SNTG2: variants seen among roughly 807,000 people sequenced by gnomAD.
SNTG2 encodes gamma-2-syntrophin.
SNTG2 carries 74 observed loss-of-function variants against 70.9 expected under a neutral mutation model. The ratio of observed to expected loss-of-function variants is 1.04; its 90% CI spans 0.86 to 1.27. The LOEUF (loss-of-function observed/expected upper bound fraction) is 1.27, where lower values mean the gene tolerates loss of function less well. Among genes scored for constraint, SNTG2 ranks in the 50% most tolerant of loss-of-function variants. SNTG2 has a pLI of 0.00. For missense variants in SNTG2, 717 were observed against 690.7 expected, an observed-to-expected ratio of 1.04 and a Z score of -0.43; for synonymous variants, 278 against 273.8, an observed-to-expected ratio of 1.02 and a Z score of -0.15.
intron 6 of SNTG2, among the ~76,000 whole-genome samples, chr2:1,162,338 A>C (rs975718746): frequency 6.6e-6 from 1 of 152,108 alleles, no homozygotes; most frequent in Non-Finnish European, 1.5e-5. Context: ...GACTTCAGGC[A>C]CACTGGCTGG....
Position 957,424 on chromosome 2 carries a change from G to A in SNTG2, c.72+6356G>A, listed in dbSNP as rs75260941. Among the ~76,000 whole-genome samples, 1,211 of 152,116 alleles carry A rather than the reference G, an allele frequency of 8.0e-3. 15 individuals are homozygous for A. Among genetic ancestry groups the A allele is most frequent in the African/African-American group, 0.027 (1,112 of 41,492 alleles). ...GTTTGGCGATGATTAAGTGCCATTT[G>A]GAGAATTGCTTTATCATGATGCACC... On this transcript the variant is annotated intron_variant, in intron 1 of 16. Coordinates refer to ENST00000308624, the MANE Select transcript of SNTG2 (RefSeq NM_018968.4).
At chr2:1,093,707 A>T (rs964673538) in intron 2 of SNTG2, among the ~76,000 whole-genome samples, 1 of 152,226 alleles carries the variant, frequency 6.6e-6, no homozygotes, top group Non-Finnish European at 1.5e-5. Flanking sequence ...CCACCTTGGT[A>T]TTTTTGTTAA....
chr2:1,255,875 T>TATAA, intron 12 of SNTG2, among the ~76,000 whole-genome samples: 1 of 55,856 alleles, frequency 1.8e-5, no homozygotes, highest in Middle Eastern at 8.6e-3. Context: ...TATATATAAA[T>TATAA]ATATATATAA....
intron 16 of SNTG2, among the ~76,000 whole-genome samples, chr2:1,336,522 A>G (rs988786680): frequency 1.3e-5 from 2 of 152,166 alleles, no homozygotes; most frequent in Non-Finnish European, 2.9e-5. Context: ...TCATATCCAA[A>G]ACATCATTGC....
At chr2:1,300,233 A>C (rs1484239979) in intron 14 of SNTG2, among the ~76,000 whole-genome samples, 4 of 152,096 alleles carry the variant, frequency 2.6e-5, no homozygotes, top group African/African-American at 9.7e-5. Flanking sequence ...GTGTGCAAGA[A>C]GGGTGCTTTA....
chr2:1,189,335 A>G (rs968520407), intron 8 of SNTG2, among the ~76,000 whole-genome samples: 3 of 152,130 alleles, frequency 2.0e-5, no homozygotes, highest in Non-Finnish European at 4.4e-5. Context: ...AGAAGTGTCA[A>G]TATATATCGT....
In SNTG2 at chr2:1,247,355, A is replaced by T; in HGVS notation, c.917A>T (p.Lys306Ile). 6.2e-7 allele frequency: 1 copy of T among 1,613,840 alleles called. No individual in the cohort carries two copies. The highest frequency in any genetic ancestry group is 1.1e-5 in the South Asian group (1 of 91,072). Reference sequence around the variant, plus strand: ...GTGCATATGGGGTGGGTAAATGAGAAACTCCAAGGAGCTGACTCCTCTCAA... The same window carrying T: ...GTGCATATGGGGTGGGTAAATGAGATACTCCAAGGAGCTGACTCCTCTCAA... ...QVVHMGWVNE[K>I]LQGADSSQTF... Residue 306 changes from lysine to isoleucine, a missense_variant, in exon 12 of 17, where the codon AAA (lysine) becomes ATA (isoleucine). Lys to Ile is a moderately radical substitution (Grantham distance 102). Coordinates refer to ENST00000308624, the MANE Select transcript of SNTG2 (RefSeq NM_018968.4).
chr2:1,069,806 T>TACAAAACAAA (rs961801326), intron 1 of SNTG2, among the ~76,000 whole-genome samples: 35 of 151,510 alleles, frequency 2.3e-4, no homozygotes, highest in African/African-American at 8.0e-4. Flanking sequence ...AATAAATAAA[T>TACAAAACAAA]ACAAAACAAA....
chr2:1,162,263 C>T (rs569300614), intron 6 of SNTG2, among the ~76,000 whole-genome samples: 7 of 152,184 alleles, frequency 4.6e-5, no homozygotes, highest in African/African-American at 1.7e-4. Context: ...TGAATAGACT[C>T]ACTTACCTCG....
In SNTG2 at chr2:1,279,280, C is replaced by CT. The variant is rs1274221536; in HGVS notation, c.1284+11710dup. Among the ~76,000 whole-genome samples, 11 of 152,366 alleles carry CT rather than the reference C, an allele frequency of 7.2e-5. No individual in the cohort carries two copies. The South Asian group carries it at 2.1e-3, about 29-fold the overall frequency. ...CGGATGTAGTCATGTCACATAAGGG[C>CT]TACTGAAGTGCAAGAGCAGTGATGC... On this transcript the variant is annotated intron_variant, in intron 14 of 16. Coordinates refer to ENST00000308624, the MANE Select transcript of SNTG2 (RefSeq NM_018968.4).
At chr2:1,140,226 T>G (rs1553337158) in intron 6 of SNTG2, among the ~76,000 whole-genome samples, 1 of 150,990 alleles carries the variant, frequency 6.6e-6, no homozygotes, top group Non-Finnish European at 1.5e-5. Flanking sequence ...TTGGAAAATT[T>G]TACTACTTTA....
chr2:1,191,252 C>A (rs561095630), intron 8 of SNTG2, among the ~76,000 whole-genome samples: 187 of 152,268 alleles, frequency 1.2e-3, no homozygotes, highest in Non-Finnish European at 2.3e-3. Context: ...ATTCCTCTAT[C>A]CAGCTGGGTA....
intron 1 of SNTG2, among the ~76,000 whole-genome samples, chr2:962,420 G>A (rs1182068939): frequency 1.3e-5 from 2 of 152,164 alleles, no homozygotes; most frequent in African/African-American, 2.4e-5. Context: ...TTGTGGTGAC[G>A]GTTCTGGATC....
chr2:1,303,952 T>C (rs909074626), intron 14 of SNTG2, among the ~76,000 whole-genome samples: 1 of 152,232 alleles, frequency 6.6e-6, no homozygotes, highest in East Asian at 1.9e-4. Context: ...TAAGAAAACT[T>C]ATTTGTAGCT....
rs539332384 is a variant in SNTG2, at chr2:1,163,917, A to G, written c.412-1631A>G. On this transcript the variant is annotated intron_variant, in intron 6 of 16. Coordinates refer to ENST00000308624, the MANE Select transcript of SNTG2 (RefSeq NM_018968.4). ...TAGGAAGGCATTTATGTTGGATCTC[A>G]GGCCATGGGAACTTTCAAACTTTCT... 1.9e-4 allele frequency among the ~76,000 whole-genome samples: 29 copies of G among 152,300 alleles called. 1 individual carries two copies. In the South Asian group the frequency reaches 6.0e-3, roughly 32 times the overall value.
chr2:1,171,959 A>G (rs989872134), intron 7 of SNTG2, among the ~76,000 whole-genome samples: 2 of 152,148 alleles, frequency 1.3e-5, no homozygotes, highest in Non-Finnish European at 2.9e-5. Context: ...GACTTTGCAT[A>G]TGTGGTGCCG....
chr2:1,247,257 G>A, intron 11 of SNTG2, 70 bp from the exon 12 acceptor site: 1 of 936,510 alleles, frequency 1.1e-6, no homozygotes, highest in Non-Finnish European at 1.7e-6. Context: ...GCTTGCTCAT[G>A]TGCTTAACTC....
intron 7 of SNTG2, among the ~76,000 whole-genome samples, 192 bp downstream of exon 7, chr2:1,165,827 G>A (rs953660895): frequency 6.6e-6 from 1 of 152,176 alleles, no homozygotes; most frequent in Non-Finnish European, 1.5e-5. Context: ...ACATCCACGG[G>A]CTTTTTTGAA....
intron 4 of SNTG2, among the ~76,000 whole-genome samples, chr2:1,137,179 C>G (rs1420714996): frequency 6.6e-6 from 1 of 152,174 alleles, no homozygotes; most frequent in African/African-American, 2.4e-5. Flanking sequence ...TCACATTTCC[C>G]ACACCCCTGT....
Sources: gnomAD v4.1 joint callset for allele counts (sites outside exome capture counted in the v4.1 genomes callset) on GRCh38, gnomAD v4.1.1 for gene constraint, MANE v1.5 for transcripts, NCBI Gene and HGNC (gene_info 2026-07-23, HGNC 2026-07-21) for gene names.